The following DNAH8 variants were observed in gnomAD, a reference collection of about 807,000 sequenced individuals.
DNAH8 encodes dynein axonemal heavy chain 8.
A neutral mutation model predicts 562.1 loss-of-function variants in DNAH8; 382 were observed. The ratio of observed to expected loss-of-function variants is 0.68; its 90% CI spans 0.63 to 0.74. The LOEUF (loss-of-function observed/expected upper bound fraction) is 0.74. Among genes scored for constraint, DNAH8 ranks in the 30% least tolerant of loss-of-function variants. DNAH8 has a pLI of 0.00. For missense variants in DNAH8, 5,203 were observed against 5,620.4 expected (o/e 0.93, Z 2.37); for synonymous variants, 1,881 against 1,919.4 (o/e 0.98, Z 0.52).
At chr6:38,837,797 C>A in intron 32 of DNAH8, 145 bp from the exon 33 acceptor site, 1 of 575,208 alleles carries the variant, frequency 1.7e-6, no homozygotes, top group Non-Finnish European at 3.0e-6. Flanking sequence ...AGCTTGGTAT[C>A]AGTATAAATT....
At chr6:38,832,609 T>C (rs1052551772) in intron 31 of DNAH8, among the ~76,000 whole-genome samples, 174 bp downstream of exon 31, 8 of 152,234 alleles carry the variant, frequency 5.3e-5, no homozygotes, top group African/African-American at 1.9e-4. Flanking sequence ...TGTCCAATCT[T>C]TTGGCTTCCT....
chr6:38,726,919 A>G (rs9394527), intron 3 of DNAH8, among the ~76,000 whole-genome samples: 88,476 of 143,392 alleles, frequency 0.62, 27,517 homozygotes, highest in East Asian at 0.94. Flanking sequence ...GTGCAGTGGC[A>G]CGATCTCAGC....
chr6:38,951,894 A>G (rs1031423094), intron 82 of DNAH8, among the ~76,000 whole-genome samples: 3 of 152,208 alleles, frequency 2.0e-5, no homozygotes, highest in African/African-American at 7.2e-5. Context: ...AAATTAAAAA[A>G]CTATAACCAT....
intron 62 of DNAH8, among the ~76,000 whole-genome samples, chr6:38,905,489 G>T (rs912615098): frequency 2.0e-5 from 3 of 152,062 alleles, no homozygotes; most frequent in Non-Finnish European, 4.4e-5. Context: ...AATGAGCTGT[G>T]CAAATTGCCA....
At chr6:38,909,469 C>T in intron 64 of DNAH8, 49 bp from the exon 65 acceptor site, 1 of 1,567,878 alleles carries the variant, frequency 6.4e-7, no homozygotes. Context: ...CTCTGGCTGA[C>T]TTATAACCCC....
Position 38,741,274 on chromosome 6 carries a change from T to A in DNAH8, c.1117-437T>A, listed in dbSNP as rs80214410. Among the ~76,000 whole-genome samples the A allele has an allele frequency of 7.6e-3, 1,152 of 152,050 alleles. 10 individuals carry two copies. Among genetic ancestry groups the A allele is most frequent in the African/African-American group, 0.022 (917 of 41,488 alleles). On this transcript the variant is annotated intron_variant, in intron 7 of 92. Transcript: ENST00000327475. ...AAGAATTAGCTGTCTGTGGTAGCAC[T>A]TGCCCGTAGTCCTAGCTACTCAGTA...
Position 38,907,943 on chromosome 6 carries a change from C to T in DNAH8, c.9349-13C>T, listed in dbSNP as rs372085210. 6.3e-7 allele frequency: 1 copy of T among 1,576,864 alleles called. No individual in the cohort carries two copies. The highest frequency in any genetic ancestry group is 1.8e-5 in the Admixed American group (1 of 54,314). On this transcript the variant is annotated splice_polypyrimidine_tract_variant and intron_variant, in intron 63 of 92. Coordinates refer to ENST00000327475, the MANE Select transcript of DNAH8 (RefSeq NM_001206927.2). ...CTTAAAACACAGAACACTTCCTTGTCCATTCCTTAAAGATCTCCAACTTGT... is the reference window on the plus strand; with the variant it reads ...CTTAAAACACAGAACACTTCCTTGTTCATTCCTTAAAGATCTCCAACTTGT...
At chr6:38,988,235 C>T (rs1053949700) in intron 87 of DNAH8, among the ~76,000 whole-genome samples, 22 of 152,144 alleles carry the variant, frequency 1.4e-4, no homozygotes, top group African/African-American at 2.4e-4. Flanking sequence ...GGGGTATGAC[C>T]GCTCACAAAG....
intron 85 of DNAH8, 37 bp from the exon 86 acceptor site, chr6:38,982,309 G>C: frequency 1.2e-6 from 1 of 859,996 alleles, no homozygotes; most frequent in Middle Eastern, 2.2e-4. Context: ...ATGGAATCAG[G>C]TACATGCAAT....
rs113702909 is a variant in DNAH8 at position 38,831,422 on chromosome 6, C to G, written c.4189-900C>G. 4.8e-3 allele frequency among the ~76,000 whole-genome samples: 479 copies of G among 99,554 alleles called. 1 individual carries two copies. Among genetic ancestry groups the G allele is most frequent in the Middle Eastern group, 0.022 (3 of 134 alleles). The allele number at this position is 99,554 out of a possible 152,430, so 65.3% of individuals were successfully genotyped here. ...TCTCCAGCCTGGTGACAGAGTGAGACACCATCTCAAAAAAAAAAAAAAAAA... is the reference window on the plus strand; with the variant it reads ...TCTCCAGCCTGGTGACAGAGTGAGAGACCATCTCAAAAAAAAAAAAAAAAA... On this transcript the variant is annotated intron_variant, in intron 30 of 92. Coordinates refer to ENST00000327475, the MANE Select transcript of DNAH8 (RefSeq NM_001206927.2).
In DNAH8 at chr6:38,722,880, C is replaced by A. The variant is rs768307399; in HGVS notation, c.71C>A (p.Ala24Asp). Reference sequence around the variant, plus strand: ...GCTCCTCCCTCTACGGAAGAGGCTGCCCCTCCCCGTTCAGAAGAGGAAGAG... The same window carrying A: ...GCTCCTCCCTCTACGGAAGAGGCTGACCCTCCCCGTTCAGAAGAGGAAGAG... ...AEAPPSTEEAAPPRSEEEEAP... is the reference protein window; with the variant it reads ...AEAPPSTEEADPPRSEEEEAP... Residue 24 changes from alanine to aspartate, a missense_variant, in exon 2 of 93, where the codon GCC (alanine) becomes GAC (aspartate). Ala to Asp is a moderately radical substitution (Grantham distance 126). This residue lies in a region of DNAH8 where 556 missense variants were observed against 496.9 expected (regional missense o/e 1.12). Coordinates refer to ENST00000327475, the MANE Select transcript of DNAH8 (RefSeq NM_001206927.2). The A allele has an allele frequency of 6.2e-7, 1 of 1,611,466 alleles. No individual in the cohort carries two copies. The highest frequency in any genetic ancestry group is 8.5e-7 in the Non-Finnish European group (1 of 1,179,322).
chr6:38,832,162 G>A (rs965843606), intron 30 of DNAH8, among the ~76,000 whole-genome samples, 160 bp from the exon 31 acceptor site: 2 of 152,190 alleles, frequency 1.3e-5, no homozygotes, highest in Non-Finnish European at 2.9e-5. Context: ...TGAGTCTCCT[G>A]TAGGTTCATT....
intron 76 of DNAH8, among the ~76,000 whole-genome samples, chr6:38,933,888 T>C (rs2150582354): frequency 6.6e-6 from 1 of 152,336 alleles, no homozygotes; most frequent in East Asian, 1.9e-4. Flanking sequence ...TTGGACTAAA[T>C]TCAGCACATT....
chr6:38,942,587 A>C (rs6919432), intron 79 of DNAH8, among the ~76,000 whole-genome samples: 2 of 152,110 alleles, frequency 1.3e-5, no homozygotes, highest in Non-Finnish European at 1.5e-5. Context: ...TGGCTGGCAC[A>C]CAGCAGAGAC....
intron 21 of DNAH8, among the ~76,000 whole-genome samples, chr6:38,793,922 G>A (rs1399987055): frequency 2.0e-5 from 3 of 151,712 alleles, no homozygotes; most frequent in South Asian, 2.1e-4. Flanking sequence ...GTTTTGGATT[G>A]GGAGCTAATG....
chr6:38,809,441 A>AT (rs906698132), intron 24 of DNAH8, among the ~76,000 whole-genome samples: 32 of 152,122 alleles, frequency 2.1e-4, no homozygotes, highest in Non-Finnish European at 3.2e-4. Flanking sequence ...AAATTAATAT[A>AT]TTTTTTTCCA....
chr6:38,817,738 C>T (rs1440100678), intron 26 of DNAH8, among the ~76,000 whole-genome samples: 2 of 152,002 alleles, frequency 1.3e-5, no homozygotes, highest in Non-Finnish European at 2.9e-5. Context: ...TCATTCAGGA[C>T]CTAGAAAGAG....
At chr6:38,885,226 A>C (rs1312764199) in intron 56 of DNAH8, among the ~76,000 whole-genome samples, 1 of 152,034 alleles carries the variant, frequency 6.6e-6, no homozygotes, top group Admixed American at 6.6e-5. Flanking sequence ...TGGATCGCAA[A>C]CTTAACACCT....
intron 58 of DNAH8, among the ~76,000 whole-genome samples, chr6:38,893,453 T>C (rs183457449): frequency 3.3e-5 from 5 of 152,226 alleles, no homozygotes; most frequent in African/African-American, 1.2e-4. Flanking sequence ...AGAATTCTCT[T>C]TAATGACTGC....
Sources: gnomAD v4.1 joint callset for allele counts (sites outside exome capture counted in the v4.1 genomes callset) on GRCh38, gnomAD v4.1.1 for gene constraint, gnomAD v4.1.1 regional missense constraint, MANE v1.5 for transcripts, NCBI Gene and HGNC (gene_info 2026-07-23, HGNC 2026-07-21) for gene names.